The following ZNF484 variants were observed in gnomAD, a reference collection of about 807,000 sequenced individuals.
The protein encoded by ZNF484 is KRAB box containing C2H2 type zinc finger bA526D8.4.
Under a neutral mutation model 12.9 loss-of-function variants are expected in ZNF484, and 11 were observed. The observed-to-expected ratio is 0.85, with a 90% CI of 0.54 to 1.41. The LOEUF is 1.41. ZNF484 is among the 40% of genes most tolerant of loss of function. The pLI, the probability that ZNF484 is intolerant of heterozygous loss-of-function variation, is 0.00. For synonymous variants in ZNF484, 289 were observed against 334.1 expected (o/e 0.86, Z 1.47); for missense variants, 807 against 1,007.7 (o/e 0.80, Z 2.70).
At chr9:92,866,844 A>C (rs1328430085) in intron 2 of ZNF484, among the ~76,000 whole-genome samples, 1 of 152,232 alleles carries the variant, frequency 6.6e-6, no homozygotes, top group Non-Finnish European at 1.5e-5. Flanking sequence ...CTTTGCAGGG[A>C]CATGGATGAA....
In ZNF484 at chr9:92,874,025, A is replaced by C. The variant is rs950160769; in HGVS notation, c.15+990T>G. 3.9e-5 allele frequency among the ~76,000 whole-genome samples: 6 copies of C among 152,254 alleles called. No individual in the cohort carries two copies. In the East Asian group the frequency reaches 1.2e-3, roughly 29 times the overall value. On this transcript the variant is annotated intron_variant, in intron 2 of 4. Transcript: ENST00000375495. ...ATCAATCAATGTAATCTACCATACCAACAGACTCAAGAAGTAAAATCACAT... is the reference window on the plus strand; with the variant it reads ...ATCAATCAATGTAATCTACCATACCCACAGACTCAAGAAGTAAAATCACAT...
chr9:92,865,064 G>A (rs958302428), intron 2 of ZNF484, among the ~76,000 whole-genome samples: 1 of 152,146 alleles, frequency 6.6e-6, no homozygotes, highest in East Asian at 1.9e-4. Context: ...GAGAACGAGA[G>A]AGAAAGAGTA....
intron 2 of ZNF484, among the ~76,000 whole-genome samples, chr9:92,858,636 T>G (rs1037669928): frequency 6.6e-6 from 1 of 152,138 alleles, no homozygotes; most frequent in Non-Finnish European, 1.5e-5. Context: ...TGGGAGGCAG[T>G]AAATAGAATT....
In ZNF484 at chr9:92,845,921, G is replaced by A. The variant is rs758532154; in HGVS notation, c.*307C>T. On this transcript the variant is annotated 3_prime_UTR_variant, in exon 5 of 5. Coordinates refer to ENST00000375495, the MANE Select transcript of ZNF484 (RefSeq NM_031486.4). The surrounding 1 kb of genome is among the most constrained non-coding windows in gnomAD (Gnocchi z 4.0). Reference sequence around the variant, plus strand: ...GATCTCAGTGTCCTTAGGCTGCTTAGACAATGTAAAATTATCTCATCATAC... The same window carrying A: ...GATCTCAGTGTCCTTAGGCTGCTTAAACAATGTAAAATTATCTCATCATAC... 3.4e-5 allele frequency: 10 copies of A among 295,078 alleles called. No homozygotes were observed. Among genetic ancestry groups the A allele is most frequent in the Non-Finnish European group, 5.0e-5 (8 of 159,678 alleles). The allele number at this position is 295,078 out of a possible 1,614,324, so 18.3% of individuals were successfully genotyped here.
chr9:92,867,416 A>C (rs1293691905), intron 2 of ZNF484, among the ~76,000 whole-genome samples: 1 of 152,144 alleles, frequency 6.6e-6, no homozygotes, highest in Non-Finnish European at 1.5e-5. Context: ...CGGGAGGCGG[A>C]GGTTGTGGTG....
intron 2 of ZNF484, among the ~76,000 whole-genome samples, chr9:92,861,164 C>T (rs984103215): frequency 2.6e-5 from 4 of 152,092 alleles, no homozygotes; most frequent in Admixed American, 6.5e-5. Context: ...CACTCTAAAC[C>T]TAAATGTGTT....
At chr9:92,856,822 C>G (rs956491671) in intron 2 of ZNF484, among the ~76,000 whole-genome samples, 1 of 152,152 alleles carries the variant, frequency 6.6e-6, no homozygotes, top group African/African-American at 2.4e-5. Context: ...CCTGGGTTCA[C>G]GCCATTCTCC....
In ZNF484 at chr9:92,847,667, G is replaced by A. The variant is rs1855748755; in HGVS notation, c.1120C>T (p.His374Tyr). The A allele has an allele frequency of 6.2e-7, 1 of 1,612,526 alleles. No homozygotes were observed. Among genetic ancestry groups the A allele is most frequent in the South Asian group, 1.1e-5 (1 of 90,818 alleles). The stretch of plus-strand genomic sequence containing the variant: ...TTCCCTCCAGTATGAATTTTTTTAT[G>A]TATATTAAGGTTTGAATTCTGAGGG... ...NLPQNSNLNI[H>Y]KKIHTGGKHF... The change falls in exon 5 of 5, where the codon CAT (histidine) becomes TAT (tyrosine). Residue 374 changes from histidine to tyrosine, a missense_variant. Coordinates refer to ENST00000375495, the MANE Select transcript of ZNF484 (RefSeq NM_031486.4).
chr9:92,850,361 C>A (rs984734095), intron 4 of ZNF484, among the ~76,000 whole-genome samples: 3 of 152,168 alleles, frequency 2.0e-5, no homozygotes, highest in Non-Finnish European at 4.4e-5. Flanking sequence ...AGTCTAGATT[C>A]TTTTCCTTAA....
intron 2 of ZNF484, among the ~76,000 whole-genome samples, chr9:92,871,958 G>T (rs551630648): frequency 6.6e-6 from 1 of 152,162 alleles, no homozygotes; most frequent in Non-Finnish European, 1.5e-5. Context: ...GGCCAGGCGC[G>T]GTGGCTCATG....
chr9:92,868,432 G>A (rs537446303), intron 2 of ZNF484, among the ~76,000 whole-genome samples: 2 of 152,282 alleles, frequency 1.3e-5, no homozygotes, highest in South Asian at 4.1e-4. Flanking sequence ...CCTTCTCTGT[G>A]TAACAGTTTT....
intron 2 of ZNF484, among the ~76,000 whole-genome samples, chr9:92,857,996 A>G (rs1166088090): frequency 6.6e-6 from 1 of 152,166 alleles, no homozygotes; most frequent in African/African-American, 2.4e-5. Context: ...AGCTCAAGTG[A>G]TCTGTCCCCC....
rs1467153866 is a variant in ZNF484, at chr9:92,847,259, TTG to T, written c.1526_1527del (p.Ser509Ter). The T allele has an allele frequency of 7.4e-6, 12 of 1,614,008 alleles. No individual in the cohort carries two copies. Among genetic ancestry groups the T allele is most frequent in the Middle Eastern group, 1.6e-4 (1 of 6,084 alleles). On this transcript the variant is annotated frameshift_variant, in exon 5 of 5. Transcript: ENST00000375495. LOFTEE classifies it low-confidence loss of function (END_TRUNC). Reference protein sequence around the residue: ...TVCGKAFTDRSNLIKHQKIHT... With the variant: ...TVCGKAFTDRXNLIKHQKIHT... ...TGAATTTTTTGGTGCTTAATGAGAT[TTG>T]ACCTGTCAGTAAAGGCCTTACCACA...
chr9:92,869,894 T>C (rs1258721454), intron 2 of ZNF484, among the ~76,000 whole-genome samples: 1 of 152,192 alleles, frequency 6.6e-6, no homozygotes, highest in Non-Finnish European at 1.5e-5. Flanking sequence ...TAGGTAAAAC[T>C]TTCATGACAT....
intron 4 of ZNF484, among the ~76,000 whole-genome samples, chr9:92,852,167 TATC>T (rs757958927): frequency 6.6e-6 from 1 of 152,240 alleles, no homozygotes; most frequent in African/African-American, 2.4e-5. Flanking sequence ...AAGCCTCAGT[TATC>T]ATGTAATTTA....
In ZNF484 at chr9:92,848,418, T is replaced by A; in HGVS notation, c.369A>T (p.Glu123Asp). The change falls in exon 5 of 5, where the codon GAA (glutamate) becomes GAT (aspartate). Residue 123 changes from glutamate to aspartate, a missense_variant. Glu to Asp is a conservative substitution (Grantham distance 45, BLOSUM62 2). Coordinates refer to ENST00000375495, the MANE Select transcript of ZNF484 (RefSeq NM_031486.4). The surrounding 1 kb of genome is among the most constrained non-coding windows in gnomAD (Gnocchi z 4.1). ...GGTTTTCTCCACATTTTCTTGTGTG[T>A]TCATCGTCTTTCCACAATTCTTCTA... ...SILEELWKDD[E>D]HTRKCGENQN... 1 of 1,614,186 alleles carries A rather than the reference T, an allele frequency of 6.2e-7. No individual in the cohort carries two copies. Among genetic ancestry groups the A allele is most frequent in the Non-Finnish European group, 8.5e-7 (1 of 1,180,028 alleles).
In ZNF484 at chr9:92,877,924, C is replaced by A; in HGVS notation, c.-65G>T. 6.6e-7 allele frequency: 1 copy of A among 1,514,622 alleles called. No homozygotes were observed. The highest frequency in any genetic ancestry group is 1.2e-5 in the South Asian group (1 of 83,394). The allele number at this position is 1,514,622 out of a possible 1,614,324, so 93.8% of individuals were successfully genotyped here. ...ACCCACGTCCTCTCAGGACAGTGGT[C>A]ATTTGCCTCGGGAGGTGACTATAGT... On this transcript the variant is annotated 5_prime_UTR_variant, in exon 1 of 5. It removes an upstream start codon present in the reference 5' UTR. Transcript: ENST00000375495.
intron 1 of ZNF484, 68 bp downstream of exon 1, chr9:92,877,822 G>A (rs1373495866): frequency 8.5e-6 from 13 of 1,535,668 alleles, no homozygotes; most frequent in Non-Finnish European, 1.0e-5. Flanking sequence ...TCACTGACCG[G>A]AAGGCTCAGG....
intron 2 of ZNF484, among the ~76,000 whole-genome samples, chr9:92,864,130 T>A (rs1856933501): frequency 6.6e-6 from 1 of 152,198 alleles, no homozygotes; most frequent in South Asian, 2.1e-4. Flanking sequence ...GCTAGTTGTC[T>A]TCCAACATTC....
Sources: gnomAD v4.1 joint callset for allele counts (sites outside exome capture counted in the v4.1 genomes callset) on GRCh38, gnomAD v4.1.1 for gene constraint, Gnocchi (gnomAD v3.1) non-coding constraint, MANE v1.5 for transcripts, NCBI Gene and HGNC (gene_info 2026-07-23, HGNC 2026-07-21) for gene names.